Variants in SNPH observed in about 807,000 individuals in gnomAD.
SNPH encodes syntaphilin.
A neutral mutation model predicts 36.8 loss-of-function variants in SNPH; 10 were observed. That is an observed-to-expected ratio of 0.27 (90% CI 0.17 to 0.46). SNPH has a LOEUF of 0.46. Ranked by LOEUF, SNPH falls within the 20% of genes least tolerant of loss-of-function variation. The pLI, the probability that SNPH is intolerant of heterozygous loss-of-function variation, is 1.00. For synonymous variants in SNPH, 281 were observed against 312.2 expected, an observed-to-expected ratio of 0.90 and a Z score of 1.05; for missense variants, 622 against 744.0, an observed-to-expected ratio of 0.84 and a Z score of 1.91.
chr20:1,303,187 CAA>C (rs1041351771), intron 6 of SNPH, among the ~76,000 whole-genome samples: 1 of 152,270 alleles, frequency 6.6e-6, no homozygotes, highest in African/African-American at 2.4e-5. Context: ...TTCTGTTCCT[CAA>C]AGACACCATG....
chr20:1,293,549 G>A (rs1392417990), intron 2 of SNPH, among the ~76,000 whole-genome samples: 2 of 152,152 alleles, frequency 1.3e-5, no homozygotes, highest in Non-Finnish European at 2.9e-5. Flanking sequence ...TAGAAGGGAG[G>A]GAGGACCTGA....
rs764708985 is a variant in SNPH, at chr20:1,296,339, C to A, written c.100C>A (p.Pro34Thr). 1.3e-6 allele frequency: 2 copies of A among 1,598,422 alleles called. No individual in the cohort carries two copies. The highest frequency in any genetic ancestry group is 2.2e-5 in the South Asian group (2 of 89,198). Residue 34 changes from proline (P) to threonine (T), a missense_variant, in exon 4 of 7, where the codon CCC (proline) becomes ACC (threonine). By Grantham distance (38) the Pro-to-Thr change is conservative. Transcript: ENST00000381867. Reference sequence around the variant, plus strand: ...TCTCTCCTCAGCCCCCGGGATACCGCCCATCCCACCCCTTACTCGGACCCA... The same window carrying A: ...TCTCTCCTCAGCCCCCGGGATACCGACCATCCCACCCCTTACTCGGACCCA... ...RPLSSAPGIP[P>T]IPPLTRTHSL...
rs2088600826 is a variant in SNPH, at chr20:1,307,849, AG to A, written c.*1797del. 6.6e-6 allele frequency: 1 copy of A among 152,492 alleles called. No individual in the cohort carries two copies. Among genetic ancestry groups the A allele is most frequent in the Admixed American group, 6.5e-5 (1 of 15,292 alleles). 9.4% of individuals were successfully genotyped at this position (152,492 alleles called of 1,614,324 possible). On this transcript the variant is annotated 3_prime_UTR_variant, in exon 7 of 7. Transcript: ENST00000381867. ...CAGCCAAACCAAACCCAGATGCCTG[AG>A]GCCTGGCTGGGGCTGCCCCCGCAGG... is the stretch of plus-strand genomic sequence containing the variant.
At chr20:1,277,403 G>A (rs770048471) in intron 2 of SNPH, among the ~76,000 whole-genome samples, 13 of 151,790 alleles carry the variant, frequency 8.6e-5, no homozygotes, top group Non-Finnish European at 1.9e-4. Flanking sequence ...GTCTATGTGT[G>A]TGTATGTCTG....
rs1451575524 is a variant in SNPH at position 1,285,442 on chromosome 20, A to G, written c.-492-9509A>G. Among the ~76,000 whole-genome samples, 3 of 152,232 alleles carry G rather than the reference A, an allele frequency of 2.0e-5. No individual in the cohort carries two copies. The highest frequency in any genetic ancestry group is 7.2e-5 in the African/African-American group (3 of 41,460). On this transcript the variant is annotated intron_variant, in intron 2 of 6. Transcript: ENST00000381867. The surrounding 1 kb of genome is among the most constrained non-coding windows in gnomAD (Gnocchi z 4.9). ...GATTTTGGACAGGGAGAAAGATGTAATATACATGAATAACATTGAGAATAA... is the reference window on the plus strand; with the variant it reads ...GATTTTGGACAGGGAGAAAGATGTAGTATACATGAATAACATTGAGAATAA...
Position 1,296,219 on chromosome 20 carries a change from C to T in SNPH, c.-21C>T, listed in dbSNP as rs774362667. On this transcript the variant is annotated 5_prime_UTR_variant, in exon 4 of 7. Coordinates refer to ENST00000381867, the MANE Select transcript of SNPH (RefSeq NM_001318234.2). ...GGCCCTCGCTCCTGGGGTGTCCTGC[C>T]GAAGGGTGAGAAGAGAAGCCATGCC... 33 of 1,501,356 alleles carry T rather than the reference C, an allele frequency of 2.2e-5. No individual in the cohort carries two copies. The highest frequency in any genetic ancestry group is 7.5e-5 in the Admixed American group (3 of 39,942). 93.0% of individuals were successfully genotyped at this position (1,501,356 alleles called of 1,614,324 possible).
Position 1,304,858 on chromosome 20 carries a change from T to C in SNPH, c.441-20T>C. On this transcript the variant is annotated intron_variant, in intron 6 of 6. Coordinates refer to ENST00000381867, the MANE Select transcript of SNPH (RefSeq NM_001318234.2). The surrounding 1 kb of genome is among the most constrained non-coding windows in gnomAD (Gnocchi z 4.3). ...CAGGCAGGCAGGCAGTGAGCGTGTGTGTGTCTCCTCGGCTCGCAGGGACAC... is the reference window on the plus strand; with the variant it reads ...CAGGCAGGCAGGCAGTGAGCGTGTGCGTGTCTCCTCGGCTCGCAGGGACAC... 6.2e-7 allele frequency: 1 copy of C among 1,606,500 alleles called. No homozygotes were observed. The highest frequency in any genetic ancestry group is 8.5e-7 in the Non-Finnish European group (1 of 1,175,964).
intron 2 of SNPH, among the ~76,000 whole-genome samples, chr20:1,281,229 C>T (rs978434917): frequency 4.6e-5 from 7 of 152,180 alleles, no homozygotes; most frequent in Non-Finnish European, 1.5e-5. Flanking sequence ...ACCTTTACTT[C>T]TGTCACCTCC....
chr20:1,298,379 AT>A (rs1568548782), intron 5 of SNPH, among the ~76,000 whole-genome samples: 1 of 152,186 alleles, frequency 6.6e-6, no homozygotes, highest in Non-Finnish European at 1.5e-5. Context: ...AGAGGATGTC[AT>A]TTGTGTGAAG....
chr20:1,279,785 C>T (rs893202114), intron 2 of SNPH, among the ~76,000 whole-genome samples: 7 of 152,172 alleles, frequency 4.6e-5, no homozygotes, highest in Non-Finnish European at 1.5e-5. Flanking sequence ...GGTTTAGTGT[C>T]AGAGCCCACA....
At chr20:1,303,371 G>A (rs2088527056) in intron 6 of SNPH, among the ~76,000 whole-genome samples, 1 of 152,264 alleles carries the variant, frequency 6.6e-6, no homozygotes, top group Non-Finnish European at 1.5e-5. Context: ...TGGGCCCCAA[G>A]GAGAGAGAGG....
In SNPH at chr20:1,306,094, T is replaced by A. The variant is rs1207645629; in HGVS notation, c.*40T>A. ...GCAGCGGCGCCTGCGGCCTGACCAC[T>A]GATTGTAGGGATGCCGTTCCCCCCT... On this transcript the variant is annotated 3_prime_UTR_variant, in exon 7 of 7. Coordinates refer to ENST00000381867, the MANE Select transcript of SNPH (RefSeq NM_001318234.2). 2 of 1,379,878 alleles carry A rather than the reference T, an allele frequency of 1.4e-6. No homozygotes were observed. Among genetic ancestry groups the A allele is most frequent in the East Asian group, 5.4e-5 (2 of 36,986 alleles). The allele number at this position is 1,379,878 out of a possible 1,614,324, so 85.5% of individuals were successfully genotyped here. A position where few individuals can be genotyped will look rare whatever the true frequency, so the allele number is the denominator to read the frequency against.
chr20:1,273,465 C>G (rs2088095685), intron 2 of SNPH, among the ~76,000 whole-genome samples: 1 of 152,218 alleles, frequency 6.6e-6, no homozygotes, highest in Non-Finnish European at 1.5e-5. Context: ...CCAACATATA[C>G]TGAGGATCTG....
intron 2 of SNPH, among the ~76,000 whole-genome samples, chr20:1,279,227 G>A (rs1215227483): frequency 6.6e-6 from 1 of 152,172 alleles, no homozygotes; most frequent in East Asian, 1.9e-4. Context: ...ATCAGTACAT[G>A]GTATGGTTAG....
chr20:1,275,293 C>G (rs2088118575), intron 2 of SNPH, among the ~76,000 whole-genome samples: 2 of 152,210 alleles, frequency 1.3e-5, no homozygotes, highest in East Asian at 3.9e-4. Flanking sequence ...ACGGGATGAT[C>G]TGTTGTGGTC....
At position 1,276,016 on chromosome 20, in the gene SNPH, TC is replaced by T. The variant is rs1362337331; in HGVS notation, c.-493+9258del. Among the ~76,000 whole-genome samples the T allele has an allele frequency of 4.6e-5, 7 of 152,134 alleles. No individual in the cohort carries two copies. The highest frequency in any genetic ancestry group is 1.7e-4 in the African/African-American group (7 of 41,424). ...GGGACCCACTTCCAACTCCCACAGC[TC>T]CTTCACAGAGCCCAGGCTCTTAGTC... On this transcript the variant is annotated intron_variant, in intron 2 of 6. Coordinates refer to ENST00000381867, the MANE Select transcript of SNPH (RefSeq NM_001318234.2). The surrounding 1 kb of genome is among the most constrained non-coding windows in gnomAD (Gnocchi z 4.6).
intron 2 of SNPH, among the ~76,000 whole-genome samples, chr20:1,282,133 G>C (rs978675939): frequency 6.6e-6 from 1 of 152,236 alleles, no homozygotes; most frequent in Non-Finnish European, 1.5e-5. Flanking sequence ...TATACATTAT[G>C]GGTAGGAGAA....
At position 1,266,523 on chromosome 20, in the gene SNPH, C is replaced by T; in HGVS notation, c.-600+126C>T. 1.6e-6 allele frequency: 2 copies of T among 1,285,364 alleles called. No homozygotes were observed. Among genetic ancestry groups the T allele is most frequent in the East Asian group, 3.2e-5 (1 of 31,670 alleles). The allele number at this position is 1,285,364 out of a possible 1,614,324, so 79.6% of individuals were successfully genotyped here. On this transcript the variant is annotated intron_variant, in intron 1 of 6. Coordinates refer to ENST00000381867, the MANE Select transcript of SNPH (RefSeq NM_001318234.2). This position sits in a 1 kb window ranked among gnomAD's most constrained non-coding sequence, Gnocchi z 6.0. ...CGCGAGGAGGAGGGGACGGAGCACC[C>T]GGCAGGCAGCCTGCCCTCCAAGCCT...
intron 5 of SNPH, among the ~76,000 whole-genome samples, chr20:1,297,922 C>A (rs1236194782): frequency 6.6e-6 from 1 of 152,208 alleles, no homozygotes; most frequent in African/African-American, 2.4e-5. Context: ...AGAGGTGGAA[C>A]TGGCTTGGAA....
Sources: gnomAD v4.1 joint callset for allele counts (sites outside exome capture counted in the v4.1 genomes callset) on GRCh38, gnomAD v4.1.1 for gene constraint, Gnocchi (gnomAD v3.1) non-coding constraint, MANE v1.5 for transcripts, NCBI Gene and HGNC (gene_info 2026-07-23, HGNC 2026-07-21) for gene names.